Variants in EIF2B4 observed in about 807,000 individuals in gnomAD.
The protein encoded by EIF2B4 is eukaryotic translation initiation factor 2B subunit delta.
Under a neutral mutation model 66.7 loss-of-function variants are expected in EIF2B4, and 34 were observed. The observed-to-expected ratio is 0.51, with a 90% confidence interval of 0.39 to 0.68. The LOEUF (loss-of-function observed/expected upper bound fraction) is 0.68. Among genes scored for constraint, EIF2B4 ranks in the 30% least tolerant of loss-of-function variants. The pLI is 0.00. For missense variants in EIF2B4, 618 were observed against 657.9 expected (o/e 0.94, Z 0.66); for synonymous variants, 278 against 253.6 (o/e 1.10, Z -0.92).
At chr2:27,365,207 C>T (rs1681758639) in intron 11 of EIF2B4, 1 of 361,930 alleles carries the variant, frequency 2.8e-6, no homozygotes, top group East Asian at 7.0e-5. Context: ...CAGGCATGCA[C>T]CACCACTCCC....
At position 27,368,107 on chromosome 2, in the gene EIF2B4, A is replaced by G; in HGVS notation, c.623T>C (p.Val208Ala). 1 of 1,598,136 alleles carries G rather than the reference A, an allele frequency of 6.3e-7. No individual in the cohort carries two copies. The highest frequency in any genetic ancestry group is 8.5e-7 in the Non-Finnish European group (1 of 1,172,082). ...IPSSVIHPAM[V>A]RLGLQYSQGL... ...CTGGGAGTACTGCAGGCCGAGTCGC[A>G]CCATGGCTGGGTGGATCACAGAGGA... The change falls in exon 7 of 13, where the codon GTG (valine) becomes GCG (alanine). Residue 208 changes from valine to alanine, a missense_variant. Physicochemically the swap from Val to Ala is moderately conservative, Grantham distance 64. This residue lies in a region of EIF2B4 where 506 missense variants were observed against 511.9 expected (regional missense o/e 0.99). Transcript: ENST00000347454.
At chr2:27,370,219 C>A in intron 1 of EIF2B4, 65 bp downstream of exon 1, 7 of 1,541,186 alleles carry the variant, frequency 4.5e-6, no homozygotes, top group Non-Finnish European at 6.1e-6. Context: ...GCTCAAGGCC[C>A]GGCACTAGCT....
rs1439905855 is a variant in EIF2B4 at position 27,364,492 on chromosome 2, G to A, written c.1480C>T (p.Pro494Ser). The A allele has an allele frequency of 6.2e-7, 1 of 1,614,128 alleles. No individual in the cohort carries two copies. Among genetic ancestry groups the A allele is most frequent in the South Asian group, 1.1e-5 (1 of 91,072 alleles). Residue 494 changes from proline (P) to serine (S), a missense_variant, in exon 13 of 13, where the codon CCA becomes TCA. Around this residue, in one of 4 missense-constraint regions of EIF2B4, gnomAD observed 63 missense variants for 47.5 expected, o/e 1.33. Transcript: ENST00000347454. The stretch of plus-strand genomic sequence containing the variant: ...GTGATCACCAGATCCACAAGCTCTG[G>A]GGGAGTCACATCATAGACTAGATTC... The part of the protein sequence containing the change: ...LLNLVYDVTP[P>S]ELVDLVITEL...
intron 11 of EIF2B4, chr2:27,365,851 T>G (rs1558633686): frequency 6.6e-6 from 1 of 152,118 alleles, no homozygotes; most frequent in Non-Finnish European, 1.5e-5. Flanking sequence ...TGTCAGTGTT[T>G]TTCCAATTAA....
chr2:27,364,472 C>T lies in EIF2B4; in HGVS notation c.1500G>A (p.Val500=). Residue 500 remains valine, a synonymous_variant, in exon 13 of 13, where the codon GTG becomes GTA. Coordinates refer to ENST00000347454, the MANE Select transcript of EIF2B4 (RefSeq NM_001034116.2). ...DVTPPELVDL[V]ITELGMIPCS... is the part of the protein sequence containing the mutation. ...AAGGGATCATCCCCAGCTCCGTGATCACCAGATCCACAAGCTCTGGGGGAG... is the reference window on the plus strand; with the variant it reads ...AAGGGATCATCCCCAGCTCCGTGATTACCAGATCCACAAGCTCTGGGGGAG... 6 of 1,614,188 alleles carry T rather than the reference C, an allele frequency of 3.7e-6. No individual in the cohort carries two copies. Among genetic ancestry groups the T allele is most frequent in the South Asian group, 1.1e-5 (1 of 91,082 alleles).
rs1172609641 is a variant in EIF2B4 at position 27,369,248 on chromosome 2, G to A, written c.212-36C>T. On this transcript the variant is annotated intron_variant, in intron 3 of 12. Transcript: ENST00000347454. Reference sequence around the variant, plus strand: ...TAAAAAAAAAAATGCCCAAGCTGCAGGCAGGTGATATCCGTGCCCCAGCTA... The same window carrying A: ...TAAAAAAAAAAATGCCCAAGCTGCAAGCAGGTGATATCCGTGCCCCAGCTA... 1.7e-5 allele frequency: 27 copies of A among 1,606,256 alleles called. 1 individual carries two copies. The highest frequency in any genetic ancestry group is 1.0e-4 in the Admixed American group (6 of 59,908).
chr2:27,368,203 C>A, intron 6 of EIF2B4, 64 bp from the exon 7 acceptor site: 1 of 1,419,676 alleles, frequency 7.0e-7, no homozygotes, highest in South Asian at 1.2e-5. Flanking sequence ...CCACCTGCCC[C>A]TGATGAAAAG....
chr2:27,369,615 T>A (rs1396999679), intron 2 of EIF2B4, 66 bp from the exon 3 acceptor site: 1 of 1,610,838 alleles, frequency 6.2e-7, no homozygotes, highest in Middle Eastern at 1.7e-4. Context: ...TACTATTGGA[T>A]GCTTACAAGA....
In EIF2B4 at chr2:27,367,781, G is replaced by A; in HGVS notation, c.747C>T (p.Ser249=). Residue 249 remains serine, a synonymous_variant, in exon 8 of 13, where the codon TCC becomes TCT. Transcript: ENST00000347454. ...DYTTPPNEEL[S]RDLVNKLKPY... ...GTTTTAGTTTATTCACTAGATCCCT[G>A]GAGAGTTCTTCATTAGGCGGTGTTG... The A allele has an allele frequency of 6.2e-7, 1 of 1,614,100 alleles. No individual in the cohort carries two copies. The highest frequency in any genetic ancestry group is 8.5e-7 in the Non-Finnish European group (1 of 1,179,996).
Position 27,369,543 on chromosome 2 carries a change from C to G in EIF2B4, c.82G>C (p.Gly28Arg). The G allele has an allele frequency of 3.7e-6, 6 of 1,614,132 alleles. No individual in the cohort carries two copies. The highest frequency in any genetic ancestry group is 5.1e-6 in the Non-Finnish European group (6 of 1,180,038). ...TTTTCTTCTTTGGTCATTTCCCTCC[C>G]CACTGCCTGAGACACAGACATAGGA... ...AELPPGPGAV[G>R]REMTKEEKLQ... The change falls in exon 3 of 13, where the codon GGG (glycine) becomes CGG (arginine). Residue 28 changes from glycine to arginine, a missense_variant. Transcript: ENST00000347454.
chr2:27,367,787 T>C lies in EIF2B4; in HGVS notation c.741A>G (p.Glu247=), dbSNP rs769277328. 3 of 1,613,966 alleles carry C rather than the reference T, an allele frequency of 1.9e-6. No homozygotes were observed. The highest frequency in any genetic ancestry group is 2.5e-6 in the Non-Finnish European group (3 of 1,179,982). The change falls in exon 8 of 13, where the codon GAA becomes GAG. Residue 247 remains glutamate, a synonymous_variant. Transcript: ENST00000347454. Reference sequence around the variant, plus strand: ...GTTTATTCACTAGATCCCTGGAGAGTTCTTCATTAGGCGGTGTTGTGTAAT... The same window carrying C: ...GTTTATTCACTAGATCCCTGGAGAGCTCTTCATTAGGCGGTGTTGTGTAAT... ...IQDYTTPPNE[E]LSRDLVNKLK... is the part of the protein sequence containing the mutation.
Position 27,367,466 on chromosome 2 carries a change from C to G in EIF2B4, c.876G>C (p.Arg292=), listed in dbSNP as rs1286380046. 1 of 1,613,974 alleles carries G rather than the reference C, an allele frequency of 6.2e-7. No homozygotes were observed. Among genetic ancestry groups the G allele is most frequent in the Admixed American group, 1.7e-5 (1 of 59,978 alleles). The change falls in exon 9 of 13, where the codon CGG becomes CGC. Residue 292 remains arginine (R), a synonymous_variant. Transcript: ENST00000347454. ...TTCTCATACTCATCACCTCCTCTTCCCGCTTGGAACTGCCCACACTGGTGA... is the reference window on the plus strand; with the variant it reads ...TTCTCATACTCATCACCTCCTCTTCGCGCTTGGAACTGCCCACACTGGTGA... ...KEITSVGSSK[R]EEEAKSELRA...
chr2:27,370,060 G>C, intron 1 of EIF2B4, 141 bp from the exon 2 acceptor site: 1 of 1,505,796 alleles, frequency 6.6e-7, no homozygotes, highest in Non-Finnish European at 8.9e-7. Context: ...GGATCCGCGT[G>C]GGGACGCACT....
In EIF2B4 at chr2:27,366,915, A is replaced by C. The variant is rs1157211474; in HGVS notation, c.1035T>G (p.Ile345Met). Residue 345 changes from isoleucine to methionine, a missense_variant, in exon 11 of 13, where the codon ATT becomes ATG. By Grantham distance (10) the Ile-to-Met change is conservative. Around this residue, in one of 4 missense-constraint regions of EIF2B4, gnomAD observed 506 missense variants for 511.9 expected, o/e 0.99. Transcript: ENST00000347454. ...VYGCSSLVSR[I>M]LQEAWTEGRR... is the part of the protein sequence containing the mutation. ...GGCCCTCTGTCCAAGCCTCCTGAAG[A>C]ATTCGTGATACCAGAGATGAGCTAG... The C allele has an allele frequency of 6.2e-7, 1 of 1,614,186 alleles. No homozygotes were observed. Among genetic ancestry groups the C allele is most frequent in the South Asian group, 1.1e-5 (1 of 91,084 alleles).
At position 27,367,171 on chromosome 2, in the gene EIF2B4, G is replaced by A. The variant is rs78599355; in HGVS notation, c.916C>T (p.Arg306Trp). 20 of 1,613,988 alleles carry A rather than the reference G, an allele frequency of 1.2e-5. No homozygotes were observed. The highest frequency in any genetic ancestry group is 3.3e-5 in the Admixed American group (2 of 59,982). ...AGCACAATCTTCTCTTGCACATACC[G>A]ATCAATGGCTGCTCGAAGTTCTGAC... ...AKSELRAAID[R>W]YVQEKIVLAA... The change falls in exon 10 of 13, where the codon CGG becomes TGG. Residue 306 changes from arginine to tryptophan, a missense_variant. By Grantham distance (101) the Arg-to-Trp change is moderately radical. This residue lies in a region of EIF2B4 where 506 missense variants were observed against 511.9 expected (regional missense o/e 0.99). Transcript: ENST00000347454.
At chr2:27,370,222 C>T in intron 1 of EIF2B4, 62 bp downstream of exon 1, 1 of 1,541,358 alleles carries the variant, frequency 6.5e-7, no homozygotes, top group Non-Finnish European at 8.7e-7. Flanking sequence ...CAAGGCCCGG[C>T]ACTAGCTGTC....
At chr2:27,366,684 T>C in intron 11 of EIF2B4, 75 bp downstream of exon 11, 4 of 1,560,032 alleles carry the variant, frequency 2.6e-6, no homozygotes, top group Non-Finnish European at 3.5e-6. Context: ...ACTGTAACTT[T>C]GGGAAGGTGA....
In EIF2B4 at chr2:27,364,591, C is replaced by A; in HGVS notation, c.1381G>T (p.Asp461Tyr). Residue 461 changes from aspartate (D) to tyrosine (Y), a missense_variant, in exon 13 of 13, where the codon GAT becomes TAT. Physicochemically the swap from Asp to Tyr is radical, Grantham distance 160 (BLOSUM62 -3). Around this residue, in one of 4 missense-constraint regions of EIF2B4, gnomAD observed 63 missense variants for 47.5 expected, o/e 1.33. Coordinates refer to ENST00000347454, the MANE Select transcript of EIF2B4 (RefSeq NM_001034116.2). ...AFVSNELDDP[D>Y]DLQCKRGEHV... ...TCTCCCCGCTTACATTGCAGATCAT[C>A]AGGGTCATCTGCAATGGAAGGCGTA... The A allele has an allele frequency of 6.2e-7, 1 of 1,614,220 alleles. No individual in the cohort carries two copies. The highest frequency in any genetic ancestry group is 8.5e-7 in the Non-Finnish European group (1 of 1,180,040).
Position 27,366,765 on chromosome 2 carries a change from G to A in EIF2B4, c.1185C>T (p.Leu395=). Residue 395 remains leucine, a synonymous_variant, in exon 11 of 13, where the codon CTC becomes CTT. Transcript: ENST00000347454. The part of the protein sequence containing the change: ...YLLIPAASYV[L]PEVSKVLLGA... ...CCTTTTCCTCTGTACTTACCTCTGG[G>A]AGCACATAGGAGGCTGCAGGAATCA... The A allele has an allele frequency of 1.2e-6, 2 of 1,614,124 alleles. No homozygotes were observed. Among genetic ancestry groups the A allele is most frequent in the Non-Finnish European group, 8.5e-7 (1 of 1,180,030 alleles).
Sources: allele counts gnomAD v4.1 joint callset, GRCh38; gene constraint gnomAD v4.1.1; regional missense constraint gnomAD v4.1.1; transcripts MANE v1.5; gene names NCBI Gene and HGNC (gene_info 2026-07-23, HGNC 2026-07-21).